Variants in UNG observed in about 807,000 individuals in gnomAD.
The protein encoded by UNG is uracil-DNA glycosylase.
In UNG, 34 loss-of-function variants were observed where a neutral mutation model predicts 36.5. The observed-to-expected ratio is 0.93, with a 90% CI of 0.71 to 1.24. The LOEUF (loss-of-function observed/expected upper bound fraction) is 1.24, where lower values mean the gene tolerates loss of function less well. Ranked by LOEUF, UNG falls within the 50% of genes most tolerant of loss-of-function variation. UNG has a pLI of 0.00. For synonymous variants in UNG, 172 were observed against 157.8 expected (o/e 1.09, Z -0.67); for missense variants, 391 against 397.6 (o/e 0.98, Z 0.14).
chr12:109,098,564 A>G lies in UNG; in HGVS notation c.265A>G (p.Asn89Asp), dbSNP rs201031933. ...AAALLRLAARNVPVGFGESWK... is the reference protein window; with the variant it reads ...AAALLRLAARDVPVGFGESWK... ...GGCCCTGCTCAGACTCGCGGCCCGC[A>G]ACGTGCCCGTGGGCTTTGGAGAGAG... Residue 89 changes from asparagine (N) to aspartate (D), a missense_variant, in exon 2 of 7, where the codon AAC (asparagine) becomes GAC (aspartate). By Grantham distance (23) the Asn-to-Asp change is conservative. Coordinates refer to ENST00000242576, the MANE Select transcript of UNG (RefSeq NM_080911.3). 83 of 1,613,336 alleles carry G rather than the reference A, an allele frequency of 5.1e-5. No homozygotes were observed. Among genetic ancestry groups the G allele is most frequent in the Admixed American group, 3.7e-4 (22 of 60,024 alleles).
chr12:109,098,286 TG>T, intron 1 of UNG, 145 bp from the exon 2 acceptor site: 1 of 1,567,018 alleles, frequency 6.4e-7, no homozygotes. Flanking sequence ...GGCCCAGCCC[TG>T]GGCTCTTACT....
intron 4 of UNG, among the ~76,000 whole-genome samples, chr12:109,102,589 G>A (rs1335930870): frequency 6.6e-6 from 1 of 152,182 alleles, no homozygotes; most frequent in African/African-American, 2.4e-5. Context: ...TAACTGCTGG[G>A]TTGATTTACT....
chr12:109,099,150 T>A, intron 2 of UNG, 39 bp from the exon 3 acceptor site: 3 of 1,568,614 alleles, frequency 1.9e-6, no homozygotes, highest in Non-Finnish European at 2.6e-6. Context: ...TGGTTTCCAA[T>A]GAGAATCTGA....
intron 6 of UNG, among the ~76,000 whole-genome samples, chr12:109,107,200 C>T (rs1271135710): frequency 6.6e-6 from 1 of 151,720 alleles, no homozygotes; most frequent in Non-Finnish European, 1.5e-5. Flanking sequence ...TGATGTATGA[C>T]TATTGCTTTT....
At chr12:109,105,081 A>G (rs970929248) in intron 6 of UNG, 1 of 151,782 alleles carries the variant, frequency 6.6e-6, no homozygotes, top group Non-Finnish European at 1.5e-5. Flanking sequence ...CCCAGCTAAT[A>G]TTTTTTATTT....
Position 109,109,809 on chromosome 12 carries a change from T to C in UNG, c.802-20T>C. On this transcript the variant is annotated intron_variant, in intron 6 of 6. Coordinates refer to ENST00000242576, the MANE Select transcript of UNG (RefSeq NM_080911.3). ...TAAAAAGTCCCAAATCTGCCACCAT[T>C]TATTCTTGATCTTTTTCAGAAGCGG... The C allele has an allele frequency of 6.2e-7, 1 of 1,612,140 alleles. No individual in the cohort carries two copies. Among genetic ancestry groups the C allele is most frequent in the Non-Finnish European group, 8.5e-7 (1 of 1,179,308 alleles).
Position 109,099,231 on chromosome 12 carries a change from T to C in UNG, c.382T>C (p.Tyr128His). The C allele has an allele frequency of 6.2e-7, 1 of 1,614,038 alleles. No homozygotes were observed. The highest frequency in any genetic ancestry group is 8.5e-7 in the Non-Finnish European group (1 of 1,180,018). Reference protein sequence around the residue: ...VAEERKHYTVYPPPHQVFTWT... With the variant: ...VAEERKHYTVHPPPHQVFTWT... The stretch of plus-strand genomic sequence containing the variant: ...AGAAGAAAGAAAGCATTACACTGTT[T>C]ATCCACCCCCACACCAAGTCTTCAC... The change falls in exon 3 of 7, where the codon TAT becomes CAT. Residue 128 changes from tyrosine to histidine, a missense_variant. Transcript: ENST00000242576.
rs976974524 is a variant in UNG, at chr12:109,097,621, C to T, written c.-59C>T. 2.5e-6 allele frequency: 4 copies of T among 1,577,322 alleles called. No individual in the cohort carries two copies. Among genetic ancestry groups the T allele is most frequent in the Non-Finnish European group, 3.4e-6 (4 of 1,161,510 alleles). Reference sequence around the variant, plus strand: ...CAATTGCTGACCGCCACAGCCACAGCCAGGGCTAGCCTCGCCGGTTCCCGG... The same window carrying T: ...CAATTGCTGACCGCCACAGCCACAGTCAGGGCTAGCCTCGCCGGTTCCCGG... On this transcript the variant is annotated 5_prime_UTR_variant, in exon 1 of 7. Transcript: ENST00000242576.
At chr12:109,101,110 T>C (rs906964246) in intron 3 of UNG, among the ~76,000 whole-genome samples, 84 of 45,296 alleles carry the variant, frequency 1.9e-3, no homozygotes, top group African/African-American at 9.4e-3. Flanking sequence ...GAATTGCTTT[T>C]TTTTTTTTTT....
intron 3 of UNG, among the ~76,000 whole-genome samples, chr12:109,101,614 G>A (rs1322060387): frequency 6.6e-6 from 1 of 152,242 alleles, no homozygotes. Flanking sequence ...GGAGGCTCAG[G>A]TGGGAGGACC....
intron 6 of UNG, 48 bp from the exon 7 acceptor site, chr12:109,109,781 A>AAAAAAAAAAT: frequency 6.3e-7 from 1 of 1,576,434 alleles, no homozygotes; most frequent in South Asian, 1.1e-5. Flanking sequence ...AAAAAAAAAA[A>AAAAAAAAAAT]TTTAAAAAGT....
At chr12:109,097,979 C>T (rs2042144318) in intron 1 of UNG, 168 bp downstream of exon 1, 8 of 1,256,434 alleles carry the variant, frequency 6.4e-6, no homozygotes, top group Admixed American at 3.0e-5. Flanking sequence ...CCATGGGCCG[C>T]CATGCTAAAG....
chr12:109,106,040 G>T (rs529536074), intron 6 of UNG, among the ~76,000 whole-genome samples: 2 of 152,286 alleles, frequency 1.3e-5, no homozygotes, highest in Admixed American at 1.3e-4. Flanking sequence ...TGCTTTCTCT[G>T]CCTACAGTGT....
intron 3 of UNG, among the ~76,000 whole-genome samples, chr12:109,100,117 C>T (rs1190605516): frequency 1.3e-5 from 2 of 152,088 alleles, no homozygotes; most frequent in Non-Finnish European, 2.9e-5. Flanking sequence ...CAGAGCAACC[C>T]TCTTTAAATA....
At chr12:109,101,731 G>A (rs2135885533) in intron 3 of UNG, among the ~76,000 whole-genome samples, 171 bp from the exon 4 acceptor site, 1 of 152,196 alleles carries the variant, frequency 6.6e-6, no homozygotes, top group Admixed American at 6.5e-5. Context: ...AAAGCAGCTA[G>A]GTACATATCT....
intron 3 of UNG, 127 bp downstream of exon 3, chr12:109,099,411 T>G (rs2042160223): frequency 1.2e-6 from 1 of 822,856 alleles, no homozygotes; most frequent in African/African-American, 1.7e-5. Context: ...ATCCCGAGGT[T>G]TGGCTGACTG....
intron 6 of UNG, among the ~76,000 whole-genome samples, chr12:109,104,228 T>C (rs578116923): frequency 1.3e-5 from 2 of 151,524 alleles, no homozygotes; most frequent in South Asian, 4.2e-4. Flanking sequence ...TTTTATTTTT[T>C]AGTAGAGACA....
chr12:109,102,008 G>A lies in UNG; in HGVS notation c.533+9G>A. 6.2e-7 allele frequency: 1 copy of A among 1,612,852 alleles called. No homozygotes were observed. Among genetic ancestry groups the A allele is most frequent in the Non-Finnish European group, 8.5e-7 (1 of 1,179,032 alleles). ...GTTCCGCCTCCGCCCAGGTACAGTT[G>A]CTTTACAGGTGACTGCAGTCCAGAC... On this transcript the variant is annotated intron_variant, in intron 4 of 6. Transcript: ENST00000242576.
intron 6 of UNG, among the ~76,000 whole-genome samples, chr12:109,108,929 G>GC (rs556174605): frequency 5.8e-4 from 88 of 152,246 alleles, no homozygotes; most frequent in African/African-American, 2.0e-3. Flanking sequence ...ACCGTGACTG[G>GC]CCCCGTTCTA....
Sources: gnomAD v4.1 joint callset for allele counts (sites outside exome capture counted in the v4.1 genomes callset) on GRCh38, gnomAD v4.1.1 for gene constraint, MANE v1.5 for transcripts, NCBI Gene and HGNC (gene_info 2026-07-23, HGNC 2026-07-21) for gene names.